Variants in GRAMD1C observed in about 807,000 individuals in gnomAD.
The protein encoded by GRAMD1C is GRAM domain containing 1C.
Under a neutral mutation model 97.8 loss-of-function variants are expected in GRAMD1C, and 89 were observed. The observed-to-expected ratio is 0.91, with a 90% CI of 0.77 to 1.09. The LOEUF is 1.09. GRAMD1C is among the 50% of genes least tolerant of loss of function. GRAMD1C has a pLI of 0.00. For missense variants in GRAMD1C, 740 were observed against 766.4 expected (o/e 0.97, Z 0.41); for synonymous variants, 256 against 267.0 (o/e 0.96, Z 0.40).
chr3:113,902,225 T>C (rs114801954), intron 7 of GRAMD1C, among the ~76,000 whole-genome samples: 369 of 152,350 alleles, frequency 2.4e-3, no homozygotes, highest in African/African-American at 8.4e-3. Flanking sequence ...GGTAATCTAC[T>C]TATGCTGATC....
chr3:113,871,754 A>AAC (rs1372396039), intron 3 of GRAMD1C, among the ~76,000 whole-genome samples: 1 of 148,664 alleles, frequency 6.7e-6, no homozygotes, highest in Admixed American at 6.7e-5. Flanking sequence ...CAAAAAAAAA[A>AAC]AAAAAAAAAA....
chr3:113,885,382 CG>C, intron 6 of GRAMD1C: 7 of 1,583,604 alleles, frequency 4.4e-6, no homozygotes, highest in Non-Finnish European at 6.1e-6. Context: ...TTACCTTTTG[CG>C]GGGGCAGATC....
At chr3:113,866,518 C>T (rs921738171) in intron 2 of GRAMD1C, among the ~76,000 whole-genome samples, 7 of 152,064 alleles carry the variant, frequency 4.6e-5, no homozygotes, top group Non-Finnish European at 8.8e-5. Context: ...ATTCCGTTTA[C>T]ATTTAATGTA....
intron 3 of GRAMD1C, among the ~76,000 whole-genome samples, chr3:113,873,285 C>A (rs1411326808): frequency 6.6e-6 from 1 of 151,788 alleles, no homozygotes; most frequent in Non-Finnish European, 1.5e-5. Context: ...ACAGCAACAA[C>A]AAAAAACACT....
rs1357925445 is a variant in GRAMD1C at position 113,933,654 on chromosome 3, G to A, written c.1352+1G>A. On this transcript the variant is annotated splice_donor_variant, in intron 12 of 17. Coordinates refer to ENST00000358160, the MANE Select transcript of GRAMD1C (RefSeq NM_017577.5). LOFTEE classifies it high-confidence loss of function. ...CTTCAAAACAGAAATGCAGGCTAAG[G>A]TGAGCTGCTGTACATGAATGTGTTA... The A allele has an allele frequency of 6.2e-7, 1 of 1,600,074 alleles. No homozygotes were observed. The highest frequency in any genetic ancestry group is 8.6e-7 in the Non-Finnish European group (1 of 1,167,934).
chr3:113,920,423 C>G (rs1381477505), intron 10 of GRAMD1C, among the ~76,000 whole-genome samples: 2 of 152,214 alleles, frequency 1.3e-5, no homozygotes. Context: ...CTGGAACTTT[C>G]TTAAACTGCC....
chr3:113,873,367 A>G (rs1174847679), intron 3 of GRAMD1C, among the ~76,000 whole-genome samples: 2 of 152,210 alleles, frequency 1.3e-5, no homozygotes, highest in Non-Finnish European at 2.9e-5. Context: ...GCCTTTGAAC[A>G]TAGTTAATGT....
intron 9 of GRAMD1C, among the ~76,000 whole-genome samples, chr3:113,913,419 ACT>A (rs1228417006): frequency 8.0e-6 from 1 of 125,114 alleles, no homozygotes; most frequent in Non-Finnish European, 1.6e-5. Context: ...CAAGAGTGAG[ACT>A]CTGTCTCCAA....
chr3:113,867,660 AC>A (rs139967043), intron 2 of GRAMD1C, among the ~76,000 whole-genome samples: 4,265 of 152,170 alleles, frequency 0.028, 219 homozygotes, highest in African/African-American at 0.098. Flanking sequence ...ATGAAGAGTC[AC>A]CCGCAAATTA....
chr3:113,918,526 A>G (rs1341715591), intron 10 of GRAMD1C, among the ~76,000 whole-genome samples: 7 of 152,212 alleles, frequency 4.6e-5, no homozygotes, highest in Non-Finnish European at 1.0e-4. Context: ...GATGTTATAA[A>G]TGGCTTTGCA....
intron 6 of GRAMD1C, among the ~76,000 whole-genome samples, chr3:113,899,397 T>G (rs931270726): frequency 1.3e-5 from 2 of 152,210 alleles, no homozygotes; most frequent in African/African-American, 4.8e-5. Context: ...ACCAGTACTT[T>G]AGTGCATGAT....
At chr3:113,941,753 G>A (rs1937792886) in intron 17 of GRAMD1C, among the ~76,000 whole-genome samples, 1 of 151,712 alleles carries the variant, frequency 6.6e-6, no homozygotes, top group African/African-American at 2.4e-5. Context: ...TGAGTAGCTG[G>A]GATTACAGGC....
chr3:113,840,772 T>C (rs1709764178), intron 1 of GRAMD1C, among the ~76,000 whole-genome samples: 1 of 152,144 alleles, frequency 6.6e-6, no homozygotes. Flanking sequence ...TTAACCAAGG[T>C]GGTAGGCCTT....
rs1004050769 is a variant in GRAMD1C at position 113,945,667 on chromosome 3, C to G, written c.*189C>G. ...TTTCTGCTGGCCTTAATAATCCATC[C>G]TTTCACTTCTTATAGATATTTTTAA... On this transcript the variant is annotated 3_prime_UTR_variant, in exon 18 of 18. Coordinates refer to ENST00000358160, the MANE Select transcript of GRAMD1C (RefSeq NM_017577.5). 2 of 521,062 alleles carry G rather than the reference C, an allele frequency of 3.8e-6. No individual in the cohort carries two copies. The highest frequency in any genetic ancestry group is 6.8e-6 in the Non-Finnish European group (2 of 295,314). 32.3% of individuals were successfully genotyped at this position (521,062 alleles called of 1,614,324 possible).
intron 5 of GRAMD1C, among the ~76,000 whole-genome samples, chr3:113,876,952 T>C (rs1559790210): frequency 6.6e-6 from 1 of 152,140 alleles, no homozygotes; most frequent in Admixed American, 6.6e-5. Flanking sequence ...TACCATGATA[T>C]TAAATCTTTG....
At chr3:113,885,715 C>T in intron 6 of GRAMD1C, 1 of 1,541,904 alleles carries the variant, frequency 6.5e-7, no homozygotes, top group East Asian at 2.2e-5. Context: ...TATGGCTTTG[C>T]TGTGGCAGGT....
At chr3:113,831,767 TG>T (rs1709560941) in intron 1 of GRAMD1C, among the ~76,000 whole-genome samples, 1 of 151,708 alleles carries the variant, frequency 6.6e-6, no homozygotes, top group South Asian at 2.1e-4. Context: ...AGTTTCTATG[TG>T]GTTCCTTTTG....
chr3:113,875,772 T>C (rs1218749299), intron 4 of GRAMD1C, 185 bp downstream of exon 4: 2 of 444,746 alleles, frequency 4.5e-6, no homozygotes, highest in South Asian at 4.9e-5. Context: ...TCTGATTTAA[T>C]ACATTGAGCT....
At chr3:113,850,542 C>T (rs1447037668) in intron 2 of GRAMD1C, 4 of 1,597,816 alleles carry the variant, frequency 2.5e-6, no homozygotes, top group Non-Finnish European at 2.6e-6. Flanking sequence ...GAAATGTCTC[C>T]AGGCAAACTG....
Sources: gnomAD v4.1 joint callset for allele counts (sites outside exome capture counted in the v4.1 genomes callset) on GRCh38, gnomAD v4.1.1 for gene constraint, MANE v1.5 for transcripts, NCBI Gene and HGNC (gene_info 2026-07-23, HGNC 2026-07-21) for gene names.